UGT2A2: variants seen among roughly 807,000 people sequenced by gnomAD.
The protein encoded by UGT2A2 is UDP-glucuronosyltransferase 2A2.
Under a neutral mutation model 50.7 loss-of-function variants are expected in UGT2A2, and 60 were observed. That is an observed-to-expected ratio of 1.18 (90% CI 0.96 to 1.47). The LOEUF is 1.47. UGT2A2 is among the 40% of genes most tolerant of loss of function. The pLI is 0.00. For missense variants in UGT2A2, 762 were observed against 634.0 expected, an observed-to-expected ratio of 1.20 and a Z score of -2.17; for synonymous variants, 242 against 214.6, an observed-to-expected ratio of 1.13 and a Z score of -1.11.
At chr4:69,633,884 G>C (rs1031705227) in intron 1 of UGT2A2, among the ~76,000 whole-genome samples, 2 of 152,054 alleles carry the variant, frequency 1.3e-5, no homozygotes, top group African/African-American at 4.8e-5. Context: ...CAAGGGTGGG[G>C]TTACTTCGTG....
chr4:69,629,401 CT>C (rs1319301668), intron 1 of UGT2A2, among the ~76,000 whole-genome samples: 4 of 152,062 alleles, frequency 2.6e-5, no homozygotes, highest in Non-Finnish European at 4.4e-5. Context: ...GAGTTCCAAT[CT>C]TTTGGAATAC....
chr4:69,593,276 T>C (rs1577941084), intron 5 of UGT2A2, among the ~76,000 whole-genome samples: 1 of 151,822 alleles, frequency 6.6e-6, no homozygotes, highest in African/African-American at 2.4e-5. Context: ...CGGTGAACAC[T>C]GAGTCCCTTA....
At chr4:69,631,399 T>C (rs1721378449) in intron 1 of UGT2A2, among the ~76,000 whole-genome samples, 2 of 152,110 alleles carry the variant, frequency 1.3e-5, no homozygotes, top group Admixed American at 1.3e-4. Flanking sequence ...TCCAAATGTT[T>C]AGAAAAATGC....
chr4:69,635,829 A>AAAAAAAAAAAAAAAAAAAAAAAC, intron 1 of UGT2A2: 1 of 42,982 alleles, frequency 2.3e-5, no homozygotes. Context: ...CCACCTCACC[A>AAAAAAAAAAAAAAAAAAAAAAAC]AAAAAAAAAA....
Position 69,606,553 on chromosome 4 carries a change from G to C in UGT2A2, c.743-7159C>G, listed in dbSNP as rs1266693422. Among the ~76,000 whole-genome samples the C allele has an allele frequency of 3.7e-5, 5 of 136,310 alleles. 2 individuals are homozygous for C. Among genetic ancestry groups the C allele is most frequent in the African/African-American group, 9.0e-5 (3 of 33,518 alleles). 89.4% of individuals were successfully genotyped at this position (136,310 alleles called of 152,430 possible). A position where few individuals can be genotyped will look rare whatever the true frequency, so the allele number is the denominator to read the frequency against. The stretch of plus-strand genomic sequence containing the variant: ...TCTCTCACCACTCCTATTCAACATA[G>C]TGTTGGAAGTTCTGGCCAGTGCAAT... On this transcript the variant is annotated intron_variant, in intron 1 of 5. Coordinates refer to ENST00000604629, the MANE Select transcript of UGT2A2 (RefSeq NM_001105677.2).
intron 1 of UGT2A2, among the ~76,000 whole-genome samples, chr4:69,629,157 A>G (rs1261441692): frequency 6.6e-6 from 1 of 151,898 alleles, no homozygotes; most frequent in African/African-American, 2.4e-5. Context: ...TGATATTCAC[A>G]CATGCTACTC....
At chr4:69,614,156 A>G (rs1720235086) in intron 1 of UGT2A2, among the ~76,000 whole-genome samples, 1 of 151,932 alleles carries the variant, frequency 6.6e-6, no homozygotes, top group Non-Finnish European at 1.5e-5. Context: ...ACATACAAAT[A>G]TCAGTGGCAT....
intron 4 of UGT2A2, 110 bp from the exon 5 acceptor site, chr4:69,594,806 G>T (rs966307867): frequency 4.5e-6 from 6 of 1,320,886 alleles, no homozygotes; most frequent in Non-Finnish European, 5.1e-6. Context: ...AGAAGGATAC[G>T]TTTTCTACAA....
At chr4:69,631,289 T>G (rs1335714815) in intron 1 of UGT2A2, among the ~76,000 whole-genome samples, 1 of 143,394 alleles carries the variant, frequency 7.0e-6, no homozygotes, top group Admixed American at 7.3e-5. Context: ...CAAAATGATG[T>G]TTGTCAAAGA....
Position 69,606,600 on chromosome 4 carries a change from G to T in UGT2A2, c.743-7206C>A, listed in dbSNP as rs1425455029. On this transcript the variant is annotated intron_variant, in intron 1 of 5. Transcript: ENST00000604629. ...CAATCAGGCAGGAGAAGGAAATAAAGGGTATTCAATTAGGAAAGAGGAAGT... is the reference window on the plus strand; with the variant it reads ...CAATCAGGCAGGAGAAGGAAATAAATGGTATTCAATTAGGAAAGAGGAAGT... 1.5e-4 allele frequency among the ~76,000 whole-genome samples: 21 copies of T among 136,290 alleles called. 1 individual carries two copies. The highest frequency in any genetic ancestry group is 1.2e-4 in the Non-Finnish European group (8 of 64,182). 89.4% of individuals were successfully genotyped at this position (136,290 alleles called of 152,430 possible). A position where few individuals can be genotyped will look rare whatever the true frequency, so the allele number is the denominator to read the frequency against.
chr4:69,598,136 T>A (rs3775783), intron 2 of UGT2A2, among the ~76,000 whole-genome samples: 37,396 of 152,072 alleles, frequency 0.25, 4,964 homozygotes, highest in African/African-American at 0.34. Context: ...ATAATAAACA[T>A]TCACTAGAGC....
At chr4:69,614,348 T>C (rs1720245715) in intron 1 of UGT2A2, among the ~76,000 whole-genome samples, 1 of 152,062 alleles carries the variant, frequency 6.6e-6, no homozygotes, top group South Asian at 2.1e-4. Flanking sequence ...AAATGTTTTC[T>C]GTTCATAGAA....
chr4:69,639,394 T>C lies in UGT2A2; in HGVS notation c.247A>G (p.Ile83Val). The change falls in exon 1 of 6, where the codon ATA becomes GTA. Residue 83 changes from isoleucine (I) to valine (V), a missense_variant. By Grantham distance (29) the Ile-to-Val change is conservative. Transcript: ENST00000604629. ...NPDSPVNFEV[I>V]PVSYKKSNID... is the part of the protein sequence containing the mutation. ...TTGCTCTTCTTGTAGGAAACAGGTA[T>C]CACTTCAAAATTCACAGGAGAATCG... The C allele has an allele frequency of 6.2e-7, 1 of 1,613,544 alleles. No individual in the cohort carries two copies. Among genetic ancestry groups the C allele is most frequent in the Non-Finnish European group, 8.5e-7 (1 of 1,179,668 alleles).
At chr4:69,634,162 G>A (rs1037610047) in intron 1 of UGT2A2, among the ~76,000 whole-genome samples, 23 of 151,812 alleles carry the variant, frequency 1.5e-4, no homozygotes, top group Non-Finnish European at 7.4e-5. Context: ...GGAGAATGGC[G>A]TGAACCCGGG....
intron 1 of UGT2A2, among the ~76,000 whole-genome samples, chr4:69,612,289 A>G (rs1299050051): frequency 2.0e-5 from 3 of 152,136 alleles, no homozygotes; most frequent in Admixed American, 1.3e-4. Flanking sequence ...ATAGCTCATG[A>G]GTTGGAAAAA....
At position 69,606,041 on chromosome 4, in the gene UGT2A2, G is replaced by A. The variant is rs1719589640; in HGVS notation, c.743-6647C>T. Among the ~76,000 whole-genome samples the A allele has an allele frequency of 1.5e-5, 2 of 136,686 alleles. 1 individual carries two copies. Among genetic ancestry groups the A allele is most frequent in the Non-Finnish European group, 3.1e-5 (2 of 64,282 alleles). The allele number at this position is 136,686 out of a possible 152,430, so 89.7% of individuals were successfully genotyped here. A position where few individuals can be genotyped will look rare whatever the true frequency, so the allele number is the denominator to read the frequency against. On this transcript the variant is annotated intron_variant, in intron 1 of 5. Transcript: ENST00000604629. ...CCTTCTGAAACTATTCCAAGCAATA[G>A]AAAAAGAGGGAATCCTCCTTAAATC...
At position 69,594,634 on chromosome 4, in the gene UGT2A2, A is replaced by T; in HGVS notation, c.1174T>A (p.Tyr392Asn). Residue 392 changes from tyrosine to asparagine, a missense_variant, in exon 5 of 6, where the codon TAC (tyrosine) becomes AAC (asparagine). By Grantham distance (143) the Tyr-to-Asn change is moderately radical (BLOSUM62 -2). Transcript: ENST00000604629. ...ACTCCCACCATAGGGACTCCGTGGT[A>T]AATAGCTTCGTAGATCCCATTAGTT... is the stretch of plus-strand genomic sequence containing the variant. ...GGTNGIYEAI[Y>N]HGVPMVGVPM... is the part of the protein sequence containing the mutation. 6.2e-7 allele frequency: 1 copy of T among 1,614,144 alleles called. No homozygotes were observed. Among genetic ancestry groups the T allele is most frequent in the Non-Finnish European group, 8.5e-7 (1 of 1,180,030 alleles).
intron 1 of UGT2A2, among the ~76,000 whole-genome samples, chr4:69,622,544 CAG>C (rs934579300): frequency 2.0e-5 from 3 of 151,596 alleles, no homozygotes; most frequent in African/African-American, 7.3e-5. Context: ...ATAATAGACT[CAG>C]GGAATCTATA....
In UGT2A2 at chr4:69,615,536, G is replaced by A. The variant is rs191415651; in HGVS notation, c.743-16142C>T. Among the ~76,000 whole-genome samples the A allele has an allele frequency of 7.1e-4, 108 of 152,118 alleles. 1 individual carries two copies. Among genetic ancestry groups the A allele is most frequent in the African/African-American group, 2.4e-3 (101 of 41,542 alleles). On this transcript the variant is annotated intron_variant, in intron 1 of 5. Coordinates refer to ENST00000604629, the MANE Select transcript of UGT2A2 (RefSeq NM_001105677.2). ...TCAAACAATTCAAAAAGAAAAGAATGAGTAATCAAAAAGAAATGGATAAAA... is the reference window on the plus strand; with the variant it reads ...TCAAACAATTCAAAAAGAAAAGAATAAGTAATCAAAAAGAAATGGATAAAA...
Sources: allele counts gnomAD v4.1 joint callset (sites outside exome capture counted in the v4.1 genomes callset), GRCh38; gene constraint gnomAD v4.1.1; transcripts MANE v1.5; gene names NCBI Gene and HGNC (gene_info 2026-07-23, HGNC 2026-07-21).